Variants in ULK2 observed in about 807,000 individuals in gnomAD.
The protein encoded by ULK2 is unc-51 like autophagy activating kinase 2, also known as serine/threonine-protein kinase ULK2.
Under a neutral mutation model 127.5 loss-of-function variants are expected in ULK2, and 76 were observed. The observed-to-expected ratio is 0.60, with a 90% CI of 0.50 to 0.72. The LOEUF is 0.72. Among genes scored for constraint, ULK2 ranks in the 30% least tolerant of loss-of-function variants. The pLI is 0.00. For synonymous variants in ULK2, 452 were observed against 461.9 expected (o/e 0.98, Z 0.28); for missense variants, 1,144 against 1,295.9 (o/e 0.88, Z 1.80).
intron 24 of ULK2, 92 bp from the exon 25 acceptor site, chr17:19,780,721 G>A (rs954247940): frequency 7.5e-7 from 1 of 1,331,758 alleles, no homozygotes; most frequent in Non-Finnish European, 1.0e-6. Flanking sequence ...ATATAGGGAA[G>A]GTGTCACTAT....
rs569893034 is a variant in ULK2, at chr17:19,797,981, A to G, written c.1523-299T>C. ...GGTCTGACTAGCACCAAAGAGAACA[A>G]TATCGTTAATGATTAAAGTTAATGA... is the stretch of plus-strand genomic sequence containing the variant. On this transcript the variant is annotated intron_variant, in intron 17 of 26. Coordinates refer to ENST00000395544, the MANE Select transcript of ULK2 (RefSeq NM_014683.4). Among the ~76,000 whole-genome samples the G allele has an allele frequency of 8.5e-5, 13 of 152,286 alleles. 1 individual carries two copies. The South Asian group carries it at 2.5e-3, about 29-fold the overall frequency.
intron 3 of ULK2, among the ~76,000 whole-genome samples, chr17:19,856,325 G>A (rs966579212): frequency 2.0e-5 from 3 of 152,182 alleles, no homozygotes; most frequent in Non-Finnish European, 2.9e-5. Context: ...GCTCACGCCT[G>A]TAATCCCAGC....
intron 15 of ULK2, among the ~76,000 whole-genome samples, chr17:19,803,382 C>CT (rs556107180): frequency 3.3e-4 from 50 of 152,152 alleles, no homozygotes; most frequent in Non-Finnish European, 4.1e-4. Context: ...AATACAAAGA[C>CT]TAATAGTACT....
intron 15 of ULK2, among the ~76,000 whole-genome samples, chr17:19,803,599 C>T (rs1223284848): frequency 6.6e-6 from 1 of 152,160 alleles, no homozygotes; most frequent in Non-Finnish European, 1.5e-5. Context: ...CTGTTAATCA[C>T]TTTACTTTTT....
At chr17:19,836,746 A>C (rs1056774197) in intron 10 of ULK2, among the ~76,000 whole-genome samples, 1 of 151,252 alleles carries the variant, frequency 6.6e-6, no homozygotes, top group Non-Finnish European at 1.5e-5. Flanking sequence ...CTCTACTAAA[A>C]ATATAAAAAA....
At chr17:19,852,202 G>A (rs1245252876) in intron 3 of ULK2, among the ~76,000 whole-genome samples, 1 of 151,736 alleles carries the variant, frequency 6.6e-6, no homozygotes, top group Non-Finnish European at 1.5e-5. Flanking sequence ...TCCAGCTTGA[G>A]CAACAGAGCA....
At chr17:19,853,312 A>AT (rs1567725840) in intron 3 of ULK2, among the ~76,000 whole-genome samples, 1 of 150,428 alleles carries the variant, frequency 6.6e-6, no homozygotes, top group Admixed American at 6.6e-5. Context: ...ATTTTTATGT[A>AT]TTTTTTCTAG....
chr17:19,840,198 A>G (rs2041708214), intron 9 of ULK2: 7 of 493,860 alleles, frequency 1.4e-5, no homozygotes, highest in South Asian at 7.4e-5. Context: ...CGAATACAAC[A>G]TATCTCCGGA....
At chr17:19,850,052 C>A (rs1403202713) in intron 3 of ULK2, among the ~76,000 whole-genome samples, 3 of 152,008 alleles carry the variant, frequency 2.0e-5, no homozygotes, top group Non-Finnish European at 2.9e-5. Flanking sequence ...TTATGATTGA[C>A]CTAAAACAAC....
At chr17:19,776,918 A>T (rs549898619) in intron 26 of ULK2, among the ~76,000 whole-genome samples, 19 of 152,296 alleles carry the variant, frequency 1.2e-4, no homozygotes, top group African/African-American at 4.6e-4. Flanking sequence ...ACAAAGTAAC[A>T]CCGTGTAGAA....
chr17:19,785,201 AAAT>A (rs1200479093), intron 21 of ULK2, among the ~76,000 whole-genome samples: 10 of 151,124 alleles, frequency 6.6e-5, no homozygotes, highest in African/African-American at 2.2e-4. Context: ...AATTAAAAAT[AAAT>A]AAATAAAACA....
chr17:19,864,950 A>G (rs955936518), intron 2 of ULK2, 106 bp from the exon 3 acceptor site: 1 of 398,012 alleles, frequency 2.5e-6, no homozygotes, highest in Non-Finnish European at 4.3e-6. Context: ...CTAGTATTAT[A>G]CTTATATTAA....
chr17:19,798,387 C>G (rs145866595), intron 17 of ULK2, among the ~76,000 whole-genome samples: 138 of 152,280 alleles, frequency 9.1e-4, no homozygotes, highest in African/African-American at 3.1e-3. Context: ...CTGTTTCCCC[C>G]CTACAAACCT....
In ULK2 at chr17:19,854,201, C is replaced by G. The variant is rs536946741; in HGVS notation, c.226-4427G>C. ...GCTGAAGGAGGAGAACTGCTTGAAC[C>G]CAGAAGACGAAGGTTGCAGTGAGCC... is the stretch of plus-strand genomic sequence containing the variant. On this transcript the variant is annotated intron_variant, in intron 3 of 26. Transcript: ENST00000395544. Among the ~76,000 whole-genome samples, 4 of 151,408 alleles carry G rather than the reference C, an allele frequency of 2.6e-5. No homozygotes were observed. In the South Asian group the frequency reaches 8.4e-4, roughly 32 times the overall value.
chr17:19,771,347 G>A lies in ULK2; in HGVS notation c.*5002C>T, dbSNP rs2086734345. 6.6e-6 allele frequency: 1 copy of A among 152,340 alleles called. No homozygotes were observed. The highest frequency in any genetic ancestry group is 2.1e-4 in the South Asian group (1 of 4,830). 9.4% of individuals were successfully genotyped at this position (152,340 alleles called of 1,614,324 possible). On this transcript the variant is annotated 3_prime_UTR_variant, in exon 27 of 27. Transcript: ENST00000395544. Reference sequence around the variant, plus strand: ...AACATTCCACTTAAACAGCCAAATTGACTTAAAAGGGCAACATAGATGTCT... The same window carrying A: ...AACATTCCACTTAAACAGCCAAATTAACTTAAAAGGGCAACATAGATGTCT...
intron 12 of ULK2, among the ~76,000 whole-genome samples, chr17:19,817,541 G>A (rs2041021908): frequency 2.6e-5 from 4 of 152,168 alleles, no homozygotes; most frequent in African/African-American, 9.7e-5. Flanking sequence ...TAGGAGATAG[G>A]ATAGGAAGGG....
At chr17:19,786,168 T>G in intron 20 of ULK2, 82 bp from the exon 21 acceptor site, 1 of 1,384,476 alleles carries the variant, frequency 7.2e-7, no homozygotes, top group South Asian at 1.5e-5. Context: ...GGATACTGAC[T>G]TTTATATCAG....
chr17:19,797,249 G>T, intron 18 of ULK2, 147 bp downstream of exon 18: 1 of 835,294 alleles, frequency 1.2e-6, no homozygotes, highest in Non-Finnish European at 1.7e-6. Flanking sequence ...ATGAGCTGAG[G>T]TTGTGCCACT....
intron 3 of ULK2, among the ~76,000 whole-genome samples, chr17:19,862,975 A>C (rs2042274024): frequency 6.6e-6 from 1 of 152,098 alleles, no homozygotes; most frequent in Non-Finnish European, 1.5e-5. Flanking sequence ...GCATTTTGGG[A>C]GGCAGAGGCA....
Sources: allele counts gnomAD v4.1 joint callset (sites outside exome capture counted in the v4.1 genomes callset), GRCh38; gene constraint gnomAD v4.1.1; transcripts MANE v1.5; gene names NCBI Gene and HGNC (gene_info 2026-07-23, HGNC 2026-07-21).